The following DNM2 variants were observed in gnomAD, a reference collection of about 807,000 sequenced individuals.
DNM2 encodes dynamin 2, also known as dynamin-2.
A neutral mutation model predicts 99.0 loss-of-function variants in DNM2; 15 were observed. The ratio of observed to expected loss-of-function variants is 0.15; its 90% confidence interval spans 0.10 to 0.23. The LOEUF (loss-of-function observed/expected upper bound fraction) is 0.23, where lower values mean the gene tolerates loss of function less well. DNM2 is among the 10% of genes least tolerant of loss of function. The pLI is 1.00. For synonymous variants in DNM2, 525 were observed against 481.2 expected (o/e 1.09, Z -1.19); for missense variants, 742 against 1,189.4 (o/e 0.62, Z 5.53).
chr19:10,756,479 A>G (rs2070388584), intron 1 of DNM2, among the ~76,000 whole-genome samples: 1 of 152,156 alleles, frequency 6.6e-6, no homozygotes, highest in South Asian at 2.1e-4. Flanking sequence ...CAGGCTCCTC[A>G]TCAGCCGAAT....
In DNM2 at chr19:10,831,881, A is replaced by G; in HGVS notation, c.*834A>G. 9.7e-7 allele frequency: 1 copy of G among 1,026,320 alleles called. No individual in the cohort carries two copies. Among genetic ancestry groups the G allele is most frequent in the Non-Finnish European group, 1.2e-6 (1 of 854,162 alleles). The allele number at this position is 1,026,320 out of a possible 1,614,324, so 63.6% of individuals were successfully genotyped here. On this transcript the variant is annotated 3_prime_UTR_variant, in exon 21 of 21. Transcript: ENST00000389253. The surrounding 1 kb of genome is among the most constrained non-coding windows in gnomAD (Gnocchi z 4.3). ...CTCTGTATTCTATTAATAAACTAAAATAAAGGGAAGACGCTGCTGGTGGCT... is the reference window on the plus strand; with the variant it reads ...CTCTGTATTCTATTAATAAACTAAAGTAAAGGGAAGACGCTGCTGGTGGCT...
rs2068860083 is a variant in DNM2, at chr19:10,719,359, C to T, written c.161+956C>T. ...CTTTCCGAGTGCTAGAACACAGGGG[C>T]CCGCCTCCCAGCTACAGCCTACAAA... On this transcript the variant is annotated intron_variant, in intron 1 of 20. Coordinates refer to ENST00000389253, the MANE Select transcript of DNM2 (RefSeq NM_001005361.3). Among the ~76,000 whole-genome samples the T allele has an allele frequency of 1.3e-5, 2 of 152,062 alleles. 1 individual carries two copies. Among genetic ancestry groups the T allele is most frequent in the South Asian group, 4.1e-4 (2 of 4,826 alleles).
rs78791992 is a variant in DNM2 at position 10,794,717 on chromosome 19, C to A, written c.1129-655C>A. Among the ~76,000 whole-genome samples the A allele has an allele frequency of 0.028, 4,220 of 151,782 alleles. 390 individuals are homozygous for A. In the East Asian group the frequency reaches 0.35, roughly 13 times the overall value. ...CCAAGATGGCACCACCGCACTCCAGCCTCAGTGACAGAGCCAGACCCTATC... is the reference window on the plus strand; with the variant it reads ...CCAAGATGGCACCACCGCACTCCAGACTCAGTGACAGAGCCAGACCCTATC... On this transcript the variant is annotated intron_variant, in intron 8 of 20. Transcript: ENST00000389253.
At chr19:10,742,528 G>A (rs1250421231) in intron 1 of DNM2, among the ~76,000 whole-genome samples, 1 of 152,202 alleles carries the variant, frequency 6.6e-6, no homozygotes, top group African/African-American at 2.4e-5. Context: ...CCTTCATTCA[G>A]TTCCTGCCGT....
chr19:10,750,595 G>A (rs551969478), intron 1 of DNM2, among the ~76,000 whole-genome samples: 25 of 152,302 alleles, frequency 1.6e-4, no homozygotes, highest in African/African-American at 5.1e-4. Flanking sequence ...AGCTGTGATT[G>A]TGCTGCTGAT....
At chr19:10,815,673 C>A (rs1433331433) in intron 15 of DNM2, among the ~76,000 whole-genome samples, 1 of 152,184 alleles carries the variant, frequency 6.6e-6, no homozygotes, top group African/African-American at 2.4e-5. Flanking sequence ...TCCCCATGGT[C>A]CCTGGGATGG....
chr19:10,740,809 C>G (rs2069718032), intron 1 of DNM2, among the ~76,000 whole-genome samples: 1 of 152,178 alleles, frequency 6.6e-6, no homozygotes. Context: ...TCTCATTTCT[C>G]TTATGATTTC....
intron 8 of DNM2, among the ~76,000 whole-genome samples, chr19:10,794,537 T>A (rs56135394): frequency 0.077 from 11,640 of 150,866 alleles, 593 homozygotes; most frequent in Middle Eastern, 0.12. Context: ...AGCCCAGGAG[T>A]TCAAGACCAG....
At position 10,823,903 on chromosome 19, in the gene DNM2, A is replaced by G. The variant is rs1329649040; in HGVS notation, c.1893+4A>G. The G allele has an allele frequency of 6.2e-7, 1 of 1,613,178 alleles. No individual in the cohort carries two copies. Among genetic ancestry groups the G allele is most frequent in the African/African-American group, 1.3e-5 (1 of 74,916 alleles). ...CGTCTACCCCGAGAAGGACCAGGTG[A>G]GGAGCCGTCCTGCGCAGCCAGGCCC... On this transcript the variant is annotated splice_donor_region_variant and intron_variant, in intron 17 of 20. Coordinates refer to ENST00000389253, the MANE Select transcript of DNM2 (RefSeq NM_001005361.3).
At chr19:10,774,014 T>A (rs1276425052) in intron 3 of DNM2, among the ~76,000 whole-genome samples, 1 of 152,232 alleles carries the variant, frequency 6.6e-6, no homozygotes, top group Non-Finnish European at 1.5e-5. Flanking sequence ...TTCCTTGCGA[T>A]AAGTTTTAAA....
In DNM2 at chr19:10,827,394, A is replaced by G. The variant is rs142330059; in HGVS notation, c.2059-1642A>G. Among the ~76,000 whole-genome samples the G allele has an allele frequency of 2.6e-5, 4 of 152,226 alleles. No homozygotes were observed. In the East Asian group the frequency reaches 7.7e-4, roughly 29 times the overall value. On this transcript the variant is annotated intron_variant, in intron 18 of 20. Transcript: ENST00000389253. ...GATGGGACATAATTATCCATTTTTA[A>G]TAGACTCTTATAAAATAAAAATATT... is the stretch of plus-strand genomic sequence containing the variant.
chr19:10,739,165 T>C (rs1001448772), intron 1 of DNM2, among the ~76,000 whole-genome samples: 1 of 152,130 alleles, frequency 6.6e-6, no homozygotes, highest in Non-Finnish European at 1.5e-5. Flanking sequence ...AGAGCGAGAC[T>C]CCGTCTCAAA....
intron 18 of DNM2, 106 bp from the exon 19 acceptor site, chr19:10,828,930 A>G: frequency 8.3e-7 from 1 of 1,205,884 alleles, no homozygotes. Flanking sequence ...TTTTCAAAAA[A>G]GTCTGGGGGT....
chr19:10,728,634 A>T (rs1165800191), intron 1 of DNM2, among the ~76,000 whole-genome samples: 2 of 152,182 alleles, frequency 1.3e-5, no homozygotes, highest in Non-Finnish European at 1.5e-5. Context: ...CAGACAGGAC[A>T]GGTGAACAGT....
At chr19:10,803,639 C>T (rs2072235189) in intron 12 of DNM2, 18 of 986,260 alleles carry the variant, frequency 1.8e-5, no homozygotes, top group Non-Finnish European at 2.0e-5. Context: ...CTTACCCCAG[C>T]TGTTACTATA....
At chr19:10,823,501 C>A in intron 16 of DNM2, 1 of 415,632 alleles carries the variant, frequency 2.4e-6, no homozygotes, top group South Asian at 2.6e-5. Context: ...AGCTTCCCAG[C>A]CACAGTTGGT....
chr19:10,829,056 C>T lies in DNM2; in HGVS notation c.2079C>T (p.His693=), dbSNP rs777872270. 1.1e-5 allele frequency: 18 copies of T among 1,613,388 alleles called. No individual in the cohort carries two copies. The highest frequency in any genetic ancestry group is 1.4e-5 in the Non-Finnish European group (17 of 1,179,840). Residue 693 remains histidine (H), a synonymous_variant, in exon 19 of 21, where the codon CAC becomes CAT. Coordinates refer to ENST00000389253, the MANE Select transcript of DNM2 (RefSeq NM_001005361.3). ...CGCAGACGAAGGCCTTCATCCACCACGAGCTGCTGGCCTACCTATACTCCT... is the reference window on the plus strand; with the variant it reads ...CGCAGACGAAGGCCTTCATCCACCATGAGCTGCTGGCCTACCTATACTCCT... The part of the protein sequence containing the change: ...MINNTKAFIH[H]ELLAYLYSSA...
chr19:10,806,885 T>C (rs1183153843), intron 13 of DNM2, among the ~76,000 whole-genome samples: 2 of 152,066 alleles, frequency 1.3e-5, no homozygotes, highest in East Asian at 3.9e-4. Context: ...CCCCAGGGAT[T>C]GGGAGCCCCT....
Position 10,820,132 on chromosome 19 carries a change from A to G in DNM2, c.1781+43A>G, listed in dbSNP as rs1399396395. 2 of 1,586,094 alleles carry G rather than the reference A, an allele frequency of 1.3e-6. No homozygotes were observed. The highest frequency in any genetic ancestry group is 2.2e-5 in the South Asian group (2 of 90,530). ...CTGGGGATGGCTCGGGGTGAAGACCAATGGCCTCATTCACACTCCACAACC... is the reference window on the plus strand; with the variant it reads ...CTGGGGATGGCTCGGGGTGAAGACCGATGGCCTCATTCACACTCCACAACC... On this transcript the variant is annotated intron_variant, in intron 16 of 20. Transcript: ENST00000389253. This position sits in a 1 kb window ranked among gnomAD's most constrained non-coding sequence, Gnocchi z 4.3.
Sources: allele counts gnomAD v4.1 joint callset (sites outside exome capture counted in the v4.1 genomes callset), GRCh38; gene constraint gnomAD v4.1.1; non-coding constraint Gnocchi (gnomAD v3.1); transcripts MANE v1.5; gene names NCBI Gene and HGNC (gene_info 2026-07-23, HGNC 2026-07-21).